The following VKORC1L1 variants were observed in gnomAD, a reference collection of about 807,000 sequenced individuals.
VKORC1L1 encodes the protein vitamin K epoxide reductase complex subunit 1-like protein 1.
A neutral mutation model predicts 18.9 loss-of-function variants in VKORC1L1; 2 were observed. That is an observed-to-expected ratio of 0.11 (90% CI 0.04 to 0.33). The LOEUF (loss-of-function observed/expected upper bound fraction) is 0.33, where lower values mean the gene tolerates loss of function less well. Among genes scored for constraint, VKORC1L1 ranks in the 10% least tolerant of loss-of-function variants. The probability of loss-of-function intolerance (pLI) is 1.00; values close to 1 mark genes in which losing one functional copy is unlikely to be tolerated. For missense variants in VKORC1L1, 123 were observed against 224.1 expected (o/e 0.55, Z 2.88); for synonymous variants, 96 against 100.0 (o/e 0.96, Z 0.24).
At chr7:65,916,133 AGAG>A (rs1789586004) in intron 1 of VKORC1L1, among the ~76,000 whole-genome samples, 1 of 149,602 alleles carries the variant, frequency 6.7e-6, no homozygotes, top group South Asian at 2.1e-4. Context: ...AAAAAAAAAA[AGAG>A]GAAACATCCT....
chr7:65,935,311 A>G (rs1158280320), intron 1 of VKORC1L1, among the ~76,000 whole-genome samples: 1 of 150,300 alleles, frequency 6.7e-6, no homozygotes, highest in Non-Finnish European at 1.5e-5. Context: ...TTCGGCCTCC[A>G]TGGTTTCTTT....
intron 1 of VKORC1L1, among the ~76,000 whole-genome samples, chr7:65,900,051 GT>G (rs1789286065): frequency 2.5e-5 from 1 of 39,448 alleles, no homozygotes; most frequent in African/African-American, 6.7e-5. Context: ...ACGTGTGTGT[GT>G]GTGTGTGTGT....
Position 65,958,647 on chromosome 7 carries a change from A to G in VKORC1L1, c.*4347A>G, listed in dbSNP as rs1790340337. Reference sequence around the variant, plus strand: ...TAGGAGCCTTATATTCTTGAAGTCAATACTGTAACCTCATTTCTAAGGTAT... The same window carrying G: ...TAGGAGCCTTATATTCTTGAAGTCAGTACTGTAACCTCATTTCTAAGGTAT... On this transcript the variant is annotated 3_prime_UTR_variant, in exon 3 of 3. Coordinates refer to ENST00000360768, the MANE Select transcript of VKORC1L1 (RefSeq NM_173517.6). 6.6e-6 allele frequency: 1 copy of G among 152,236 alleles called. No homozygotes were observed. Among genetic ancestry groups the G allele is most frequent in the South Asian group, 2.1e-4 (1 of 4,834 alleles). The allele number at this position is 152,236 out of a possible 1,614,324, so 9.4% of individuals were successfully genotyped here. A position where few individuals can be genotyped will look rare whatever the true frequency, so the allele number is the denominator to read the frequency against.
At chr7:65,916,016 C>T (rs1479616805) in intron 1 of VKORC1L1, among the ~76,000 whole-genome samples, 3 of 150,424 alleles carry the variant, frequency 2.0e-5, no homozygotes, top group Non-Finnish European at 3.0e-5. Flanking sequence ...GAGGCTGAGG[C>T]GGGAGAATCG....
At chr7:65,917,609 G>A (rs570478607) in intron 1 of VKORC1L1, among the ~76,000 whole-genome samples, 8 of 152,120 alleles carry the variant, frequency 5.3e-5, no homozygotes, top group African/African-American at 1.9e-4. Context: ...AAACTTTAAA[G>A]AATTTTCTAG....
the VKORC1L1 span, among the ~76,000 whole-genome samples, chr7:65,866,827 T>C: frequency 6.6e-6 from 1 of 151,896 alleles, no homozygotes; most frequent in South Asian, 2.1e-4. Context: ...GTGGGAGAAT[T>C]GCTTGAGCCT....
intron 1 of VKORC1L1, among the ~76,000 whole-genome samples, chr7:65,885,716 T>G (rs866510025): frequency 2.0e-5 from 3 of 152,096 alleles, no homozygotes; most frequent in African/African-American, 4.8e-5. Context: ...CTTTCTGGAT[T>G]CTCAGTTCTG....
Position 65,875,486 on chromosome 7 carries a change from C to T in VKORC1L1, c.194+1921C>T, listed in dbSNP as rs562892424. ...AGGCTGGAGTGCAGTGGTGCGATCT[C>T]GACTCACTGCAACCTCCACCTCCCG... On this transcript the variant is annotated intron_variant, in intron 1 of 2. Coordinates refer to ENST00000360768, the MANE Select transcript of VKORC1L1 (RefSeq NM_173517.6). Among the ~76,000 whole-genome samples, 14 of 152,046 alleles carry T rather than the reference C, an allele frequency of 9.2e-5. 1 individual carries two copies. In the South Asian group the frequency reaches 2.5e-3, roughly 27 times the overall value.
chr7:65,953,429 C>T (rs916248578), intron 2 of VKORC1L1, among the ~76,000 whole-genome samples: 1 of 152,194 alleles, frequency 6.6e-6, no homozygotes, highest in Non-Finnish European at 1.5e-5. Flanking sequence ...GTCCTCATGT[C>T]CCGTTATTCA....
upstream of VKORC1L1, among the ~76,000 whole-genome samples, chr7:65,871,770 G>A (rs1788729179): frequency 6.6e-6 from 1 of 152,020 alleles, no homozygotes; most frequent in Non-Finnish European, 1.5e-5. Flanking sequence ...GAAGCCTTGA[G>A]AGAGCTGCAG....
At chr7:65,879,685 C>CCT (rs199844358) in intron 1 of VKORC1L1, among the ~76,000 whole-genome samples, 2,756 of 151,666 alleles carry the variant, frequency 0.018, 30 homozygotes, top group Admixed American at 0.036. Context: ...CACCCTCCTT[C>CCT]TTCCTTTCCT....
At chr7:65,950,984 C>A (rs1253822375) in intron 2 of VKORC1L1, among the ~76,000 whole-genome samples, 2 of 152,154 alleles carry the variant, frequency 1.3e-5, no homozygotes, top group African/African-American at 4.8e-5. Context: ...CAGCCTTTGA[C>A]TAGATTAACT....
At chr7:65,901,888 T>A (rs1789324158) in intron 1 of VKORC1L1, among the ~76,000 whole-genome samples, 1 of 152,130 alleles carries the variant, frequency 6.6e-6, no homozygotes. Flanking sequence ...CTGGGAATAG[T>A]CTGTGTTCCC....
rs1310459963 is a variant in VKORC1L1 at position 65,873,298 on chromosome 7, G to C, written c.-74G>C. ...GGAGGCGGCGGTGGCGGCGGTGGCG[G>C]CTGGGTCGGGCCCCGACGGGCGGCG... On this transcript the variant is annotated 5_prime_UTR_variant, in exon 1 of 3. Transcript: ENST00000360768. 1.7e-4 allele frequency: 184 copies of C among 1,087,154 alleles called. No homozygotes were observed. The highest frequency in any genetic ancestry group is 2.0e-4 in the Non-Finnish European group (177 of 896,622). 67.3% of individuals were successfully genotyped at this position (1,087,154 alleles called of 1,614,324 possible). A position where few individuals can be genotyped will look rare whatever the true frequency, so the allele number is the denominator to read the frequency against.
At chr7:65,913,539 A>C (rs913258319) in intron 1 of VKORC1L1, among the ~76,000 whole-genome samples, 18 of 152,044 alleles carry the variant, frequency 1.2e-4, no homozygotes, top group Middle Eastern at 3.4e-3. Context: ...CAGCCTGGCC[A>C]ATGTGGTGAA....
intron 2 of VKORC1L1, among the ~76,000 whole-genome samples, chr7:65,951,969 G>A (rs571165146): frequency 7.9e-5 from 12 of 152,238 alleles, no homozygotes; most frequent in African/African-American, 1.7e-4. Flanking sequence ...TGAGCCAAAC[G>A]TACCTAGCTG....
intron 1 of VKORC1L1, among the ~76,000 whole-genome samples, chr7:65,901,742 A>G (rs912831744): frequency 4.6e-5 from 7 of 152,166 alleles, no homozygotes; most frequent in Non-Finnish European, 2.9e-5. Context: ...ACAGAACTCC[A>G]GTGATAGGTG....
chr7:65,934,195 A>G (rs1789904079), intron 1 of VKORC1L1, among the ~76,000 whole-genome samples: 1 of 152,164 alleles, frequency 6.6e-6, no homozygotes, highest in South Asian at 2.1e-4. Context: ...CAGAAGTTCA[A>G]GACCAGCCTG....
intron 1 of VKORC1L1, among the ~76,000 whole-genome samples, chr7:65,940,281 G>C (rs1046718111): frequency 2.0e-5 from 3 of 152,066 alleles, no homozygotes; most frequent in Admixed American, 6.6e-5. Context: ...ACCTCCCAAA[G>C]TTCTGCAATA....
Sources: allele counts gnomAD v4.1 joint callset (sites outside exome capture counted in the v4.1 genomes callset), GRCh38; gene constraint gnomAD v4.1.1; transcripts MANE v1.5; gene names NCBI Gene and HGNC (gene_info 2026-07-23, HGNC 2026-07-21).